RTL4: variants seen among roughly 807,000 people sequenced by gnomAD.
The protein encoded by RTL4 is retrotransposon Gag like 4, also known as retrotransposon Gag-like protein 4.
In RTL4, 4 loss-of-function variants were observed where a neutral mutation model predicts 5.3. That is an observed-to-expected ratio of 0.75 (90% CI 0.37 to 1.72). The LOEUF (loss-of-function observed/expected upper bound fraction) is 1.72, where lower values mean the gene tolerates loss of function less well. Ranked by LOEUF, RTL4 falls within the 40% of genes most tolerant of loss-of-function variation. The pLI is 0.04. For synonymous variants in RTL4, 98 were observed against 87.3 expected (o/e 1.12, Z -0.68); for missense variants, 260 against 227.1 (o/e 1.14, Z -0.93).
the RTL4 span, among the ~76,000 whole-genome samples, chrX:112,402,400 T>TTGTGTGTG: frequency 2.4e-3 from 212 of 87,414 alleles, no homozygotes; most frequent in East Asian, 4.2e-3. Flanking sequence ...GGAATTATTA[T>TTGTGTGTG]TGTGTGTGTG....
chrX:112,230,313 T>C, the RTL4 span, among the ~76,000 whole-genome samples: 2 of 112,436 alleles, frequency 1.8e-5, no homozygotes, highest in Admixed American at 1.9e-4. Flanking sequence ...TCCGTGGGCA[T>C]AGGACCCTCT....
At chrX:112,176,213 T>C in the RTL4 span, among the ~76,000 whole-genome samples, 3 of 111,717 alleles carry the variant, frequency 2.7e-5, no homozygotes, top group Admixed American at 1.9e-4. Context: ...CACTGCTCGA[T>C]GAAATAAAAG....
chrX:112,455,661 A>T (rs749456621), exon 1 of RTL4: 6 of 1,191,275 alleles, frequency 5.0e-6, no homozygotes, highest in Non-Finnish European at 6.8e-6. Flanking sequence ...CTCACCAGTA[A>T]GAGGAGACCA....
At chrX:112,255,171 T>C in the RTL4 span, among the ~76,000 whole-genome samples, 6 of 111,976 alleles carry the variant, frequency 5.4e-5, 1 homozygote, top group Middle Eastern at 4.6e-3. Context: ...TTGATACATA[T>C]TTGAGTAATT....
chrX:112,323,595 G>A, the RTL4 span, among the ~76,000 whole-genome samples: 1 of 110,481 alleles, frequency 9.1e-6, no homozygotes, highest in African/African-American at 3.3e-5. Flanking sequence ...TGACTCAAGT[G>A]ATCCTCCTAC....
chrX:112,247,407 T>A, the RTL4 span, among the ~76,000 whole-genome samples: 1 of 112,055 alleles, frequency 8.9e-6, no homozygotes, highest in African/African-American at 3.2e-5. Context: ...CAACATCCAG[T>A]CCTTGGTAAG....
the RTL4 span, among the ~76,000 whole-genome samples, chrX:112,177,376 G>A: frequency 9.0e-6 from 1 of 110,940 alleles, no homozygotes; most frequent in Admixed American, 9.6e-5. Context: ...ATTCAGACTG[G>A]GGTGAGGTCA....
At chrX:112,205,385 C>G in the RTL4 span, among the ~76,000 whole-genome samples, 1 of 110,417 alleles carries the variant, frequency 9.1e-6, no homozygotes. Flanking sequence ...TCTTAACAGA[C>G]CTAAGAAAAA....
chrX:112,350,924 G>T, the RTL4 span, among the ~76,000 whole-genome samples: 1 of 110,962 alleles, frequency 9.0e-6, no homozygotes, highest in Non-Finnish European at 1.9e-5. Context: ...GAATGTGTTT[G>T]CTCTTGCTTT....
At chrX:112,353,535 G>C in the RTL4 span, among the ~76,000 whole-genome samples, 1 of 110,925 alleles carries the variant, frequency 9.0e-6, no homozygotes, top group Non-Finnish European at 1.9e-5. Flanking sequence ...CCATTGTAGG[G>C]ACATGGATGA....
At chrX:112,404,899 G>A in the RTL4 span, among the ~76,000 whole-genome samples, 2 of 112,041 alleles carry the variant, frequency 1.8e-5, no homozygotes, top group Admixed American at 9.5e-5. Context: ...TCTTGACATA[G>A]TTGCTAACTT....
At chrX:112,384,545 T>A in the RTL4 span, among the ~76,000 whole-genome samples, 7 of 111,633 alleles carry the variant, frequency 6.3e-5, no homozygotes, top group Non-Finnish European at 1.1e-4. Context: ...TTCTGAGGCC[T>A]CTGTTCCATT....
chrX:112,304,214 G>A, the RTL4 span, among the ~76,000 whole-genome samples: 1 of 110,641 alleles, frequency 9.0e-6, no homozygotes, highest in Admixed American at 9.7e-5. Flanking sequence ...AAATCCAAGG[G>A]TGTTGGCAAT....
chrX:112,285,258 T>A, the RTL4 span, among the ~76,000 whole-genome samples: 1 of 111,776 alleles, frequency 8.9e-6, no homozygotes, highest in East Asian at 2.8e-4. Context: ...GTAGACTAAA[T>A]GAAGTCCAGG....
At chrX:112,192,196 A>G in the RTL4 span, among the ~76,000 whole-genome samples, 1 of 105,944 alleles carries the variant, frequency 9.4e-6, no homozygotes, top group Non-Finnish European at 1.9e-5. Context: ...AGATTATGTC[A>G]TCTTTAAGTA....
the RTL4 span, among the ~76,000 whole-genome samples, chrX:112,336,546 T>C: frequency 1.9e-4 from 21 of 112,265 alleles, no homozygotes; most frequent in African/African-American, 5.8e-4. Flanking sequence ...ATGTTTTGCC[T>C]AAATTATTTA....
chrX:112,226,339 CT>C, the RTL4 span, among the ~76,000 whole-genome samples: 1 of 112,026 alleles, frequency 8.9e-6, no homozygotes, highest in Non-Finnish European at 1.9e-5. Context: ...TTTATGAAGC[CT>C]TCCATGTATC....
the RTL4 span, among the ~76,000 whole-genome samples, chrX:112,310,749 A>T: frequency 1.3e-5 from 1 of 78,269 alleles, no homozygotes; most frequent in African/African-American, 5.2e-5. Context: ...ATATTATATA[A>T]AATAATATAT....
the RTL4 span, among the ~76,000 whole-genome samples, chrX:112,444,651 C>T: frequency 9.0e-6 from 1 of 111,339 alleles, no homozygotes; most frequent in Admixed American, 9.6e-5. Context: ...TCATTGAGTT[C>T]TAGGCTTTTC....
Sources: allele counts gnomAD v4.1 joint callset (sites outside exome capture counted in the v4.1 genomes callset), GRCh38; gene constraint gnomAD v4.1.1; transcripts MANE v1.5; gene names NCBI Gene and HGNC (gene_info 2026-07-23, HGNC 2026-07-21).